The following PPIL6 variants were observed in gnomAD, a reference collection of about 807,000 sequenced individuals.
The protein encoded by PPIL6 is peptidylprolyl isomerase like 6.
In PPIL6, 39 loss-of-function variants were observed where a neutral mutation model predicts 36.8. The observed-to-expected ratio is 1.06, with a 90% CI of 0.82 to 1.38. PPIL6 has a LOEUF of 1.38. Ranked by LOEUF, PPIL6 falls within the 40% of genes most tolerant of loss-of-function variation. PPIL6 has a pLI of 0.00. For synonymous variants in PPIL6, 123 were observed against 134.1 expected, an observed-to-expected ratio of 0.92 and a Z score of 0.57; for missense variants, 368 against 379.1, an observed-to-expected ratio of 0.97 and a Z score of 0.24.
chr6:109,426,969 G>A lies in PPIL6; in HGVS notation c.509C>T (p.Thr170Ile), dbSNP rs1332180351. The A allele has an allele frequency of 1.8e-5, 29 of 1,604,834 alleles. No homozygotes were observed. Among genetic ancestry groups the A allele is most frequent in the Non-Finnish European group, 2.3e-5 (27 of 1,172,772 alleles). Residue 170 changes from threonine to isoleucine, a missense_variant, in exon 5 of 8, where the codon ACA becomes ATA. Coordinates refer to ENST00000521072, the MANE Select transcript of PPIL6 (RefSeq NM_173672.5). ...FELYCDVCPK[T>I]CKNFQVLCTG... ...GCACAAGACCTGAAAATTTTTACAT[G>A]TTTTGGGACACACATCACAGTATAG...
intron 5 of PPIL6, among the ~76,000 whole-genome samples, chr6:109,420,467 C>T (rs561256568): frequency 6.0e-5 from 9 of 150,938 alleles, no homozygotes; most frequent in African/African-American, 1.7e-4. Context: ...AATAAAGTTT[C>T]CTATAATGTA....
At chr6:109,393,052 A>G in intron 7 of PPIL6, 115 bp from the exon 8 acceptor site, 1 of 642,814 alleles carries the variant, frequency 1.6e-6, no homozygotes, top group Non-Finnish European at 2.7e-6. Context: ...TACAAATTGA[A>G]TGAACATCAG....
chr6:109,426,894 T>C lies in PPIL6; in HGVS notation c.584A>G (p.Asn195Ser), dbSNP rs1773843859. Residue 195 changes from asparagine to serine, a missense_variant, in exon 5 of 8, where the codon AAT becomes AGT. Asn to Ser is a conservative substitution (Grantham distance 46, BLOSUM62 1). Coordinates refer to ENST00000521072, the MANE Select transcript of PPIL6 (RefSeq NM_173672.5). ...CTGTACTATTCGATGAAAAATGGAA[T>C]TTTTGTAATGTAGTCTTATGCCACG... is the stretch of plus-strand genomic sequence containing the variant. ...SQRGIRLHYK[N>S]SIFHRIVQNG... 6.2e-7 allele frequency: 1 copy of C among 1,602,576 alleles called. No individual in the cohort carries two copies. The highest frequency in any genetic ancestry group is 1.1e-5 in the South Asian group (1 of 89,934).
intron 6 of PPIL6, among the ~76,000 whole-genome samples, chr6:109,418,625 C>A (rs994530413): frequency 6.6e-6 from 1 of 151,456 alleles, no homozygotes; most frequent in African/African-American, 2.4e-5. Context: ...CAGCTCACTG[C>A]AACCTCCATG....
chr6:109,434,531 G>A (rs1444313099), intron 2 of PPIL6, among the ~76,000 whole-genome samples: 2 of 152,094 alleles, frequency 1.3e-5, no homozygotes, highest in Non-Finnish European at 2.9e-5. Flanking sequence ...ATCTTTTAAG[G>A]CTATGAACAT....
chr6:109,419,079 G>C (rs1562265172), intron 6 of PPIL6, 108 bp downstream of exon 6: 14 of 757,608 alleles, frequency 1.8e-5, no homozygotes, highest in Admixed American at 4.1e-5. Flanking sequence ...TGCTTGTACT[G>C]TAAGTATTGC....
chr6:109,403,590 TG>T lies in PPIL6; in HGVS notation c.689-3421del, dbSNP rs1292267625. ...GCTTCTGCCAGGGATAAAGTATGTG[TG>T]GGAACAACCTACACAGAAACCAATA... On this transcript the variant is annotated intron_variant, in intron 6 of 7. Coordinates refer to ENST00000521072, the MANE Select transcript of PPIL6 (RefSeq NM_173672.5). Among the ~76,000 whole-genome samples the T allele has an allele frequency of 2.0e-5, 3 of 152,254 alleles. No individual in the cohort carries two copies. The East Asian group carries it at 5.8e-4, about 29-fold the overall frequency.
intron 6 of PPIL6, among the ~76,000 whole-genome samples, chr6:109,408,594 G>C (rs1318358143): frequency 6.6e-6 from 1 of 152,062 alleles, no homozygotes; most frequent in Admixed American, 6.6e-5. Context: ...CATATTTGAT[G>C]ATCAGTTTGA....
chr6:109,438,915 T>C (rs371109459), intron 1 of PPIL6, among the ~76,000 whole-genome samples: 13 of 152,324 alleles, frequency 8.5e-5, no homozygotes, highest in East Asian at 7.7e-4. Context: ...ATCAAAAGAA[T>C]TGTATTTCAC....
rs1042437241 is a variant in PPIL6 at position 109,440,558 on chromosome 6, G to C, written c.33C>G (p.His11Gln). 1.4e-6 allele frequency: 2 copies of C among 1,468,026 alleles called. No individual in the cohort carries two copies. Among genetic ancestry groups the C allele is most frequent in the African/African-American group, 3.0e-5 (2 of 66,792 alleles). The allele number at this position is 1,468,026 out of a possible 1,614,324, so 90.9% of individuals were successfully genotyped here. A position where few individuals can be genotyped will look rare whatever the true frequency, so the allele number is the denominator to read the frequency against. The change falls in exon 1 of 8, where the codon CAC becomes CAG. Residue 11 changes from histidine (H) to glutamine (Q), a missense_variant. His to Gln is a conservative substitution (Grantham distance 24, BLOSUM62 0). Transcript: ENST00000521072. MARPQPCGPP[H>Q]ARCGSPSLPE... ...GCAGCGACGGCGAGCCGCACCTAGC[G>C]TGCGGGGGCCCGCACGGCTGCGGCC...
intron 5 of PPIL6, 43 bp downstream of exon 5, chr6:109,426,804 A>C: frequency 7.4e-7 from 1 of 1,351,034 alleles, no homozygotes; most frequent in Non-Finnish European, 1.0e-6. Flanking sequence ...GGACCTTCTC[A>C]TTTGATATTG....
chr6:109,427,884 C>T (rs1773910592), intron 3 of PPIL6, among the ~76,000 whole-genome samples: 1 of 152,134 alleles, frequency 6.6e-6, no homozygotes, highest in Non-Finnish European at 1.5e-5. Context: ...GGGAAGGATC[C>T]ATCATGAACA....
rs1304121521 is a variant in PPIL6, at chr6:109,414,476, GCTT to G, written c.688+4708_688+4710del. Among the ~76,000 whole-genome samples the G allele has an allele frequency of 3.6e-3, 386 of 107,058 alleles. 1 individual carries two copies. Among genetic ancestry groups the G allele is most frequent in the African/African-American group, 0.014 (365 of 25,932 alleles). 70.2% of individuals were successfully genotyped at this position (107,058 alleles called of 152,430 possible). ...TGTATCATTTTCTTAATGTCTTTTA[GCTT>G]TTTTTTTTTTTTTTTTTTTTTTTGA... On this transcript the variant is annotated intron_variant, in intron 6 of 7. Coordinates refer to ENST00000521072, the MANE Select transcript of PPIL6 (RefSeq NM_173672.5).
chr6:109,438,397 T>A (rs1774577100), intron 1 of PPIL6, among the ~76,000 whole-genome samples: 1 of 151,536 alleles, frequency 6.6e-6, no homozygotes, highest in Non-Finnish European at 1.5e-5. Flanking sequence ...GGCAACACAG[T>A]GAGACCCCCA....
chr6:109,419,152 C>T, intron 6 of PPIL6, 35 bp downstream of exon 6: 1 of 1,256,326 alleles, frequency 8.0e-7, no homozygotes, highest in Non-Finnish European at 1.2e-6. Flanking sequence ...GAATAATCAA[C>T]TAATATATAA....
At chr6:109,417,278 T>C (rs1246695447) in intron 6 of PPIL6, among the ~76,000 whole-genome samples, 1 of 151,858 alleles carries the variant, frequency 6.6e-6, no homozygotes, top group Non-Finnish European at 1.5e-5. Flanking sequence ...AAAATGGTCC[T>C]CCAAGTAGGT....
chr6:109,411,686 G>A (rs908701171), intron 6 of PPIL6, among the ~76,000 whole-genome samples: 1 of 152,138 alleles, frequency 6.6e-6, no homozygotes, highest in African/African-American at 2.4e-5. Flanking sequence ...AAAAGTTTGT[G>A]TTTTCTAGAT....
intron 6 of PPIL6, among the ~76,000 whole-genome samples, chr6:109,409,984 A>G (rs1367142452): frequency 2.6e-5 from 4 of 152,162 alleles, no homozygotes; most frequent in African/African-American, 4.8e-5. Flanking sequence ...CAAAATACCA[A>G]TGACAGCCCA....
intron 6 of PPIL6, among the ~76,000 whole-genome samples, chr6:109,409,115 T>C (rs1772909842): frequency 6.6e-6 from 1 of 152,212 alleles, no homozygotes; most frequent in Non-Finnish European, 1.5e-5. Context: ...ATAAAAACCA[T>C]ATGATCATTT....
Sources: allele counts gnomAD v4.1 joint callset (sites outside exome capture counted in the v4.1 genomes callset), GRCh38; gene constraint gnomAD v4.1.1; transcripts MANE v1.5; gene names NCBI Gene and HGNC (gene_info 2026-07-23, HGNC 2026-07-21).